The following NRXN3 variants were observed in gnomAD, a reference collection of about 807,000 sequenced individuals.
NRXN3 encodes neurexin III.
A neutral mutation model predicts 137.6 loss-of-function variants in NRXN3; 32 were observed. That is an observed-to-expected ratio of 0.23 (90% CI 0.18 to 0.31). NRXN3 has a LOEUF of 0.31. Ranked by LOEUF, NRXN3 falls within the 10% of genes least tolerant of loss-of-function variation. The pLI, the probability that NRXN3 is intolerant of heterozygous loss-of-function variation, is 1.00. For missense variants in NRXN3, 1,574 were observed against 2,062.5 expected (o/e 0.76, Z 4.59); for synonymous variants, 798 against 784.5 (o/e 1.02, Z -0.29).
intron 15 of NRXN3, among the ~76,000 whole-genome samples, chr14:79,459,756 A>T (rs1479665927): frequency 6.6e-6 from 1 of 152,032 alleles, no homozygotes; most frequent in African/African-American, 2.4e-5. Context: ...ATTGATATTA[A>T]CATTAGTCTA....
chr14:78,860,731 A>G (rs1258030091), intron 10 of NRXN3, among the ~76,000 whole-genome samples: 1 of 152,142 alleles, frequency 6.6e-6, no homozygotes, highest in Non-Finnish European at 1.5e-5. Flanking sequence ...TATATTTACT[A>G]TTATTACCTG....
intron 15 of NRXN3, among the ~76,000 whole-genome samples, chr14:79,065,385 T>C (rs2099679505): frequency 6.6e-6 from 1 of 152,030 alleles, no homozygotes; most frequent in Admixed American, 6.6e-5. Flanking sequence ...AAAATCAAGG[T>C]TGCTGGACTT....
At chr14:78,822,554 A>C (rs1380769342) in intron 10 of NRXN3, among the ~76,000 whole-genome samples, 1 of 152,034 alleles carries the variant, frequency 6.6e-6, no homozygotes, top group Non-Finnish European at 1.5e-5. Context: ...GGACACCTGC[A>C]ATCCCAGCTA....
At chr14:79,822,508 T>G (rs571912310) in intron 20 of NRXN3, among the ~76,000 whole-genome samples, 1 of 152,346 alleles carries the variant, frequency 6.6e-6, no homozygotes, top group South Asian at 2.1e-4. Flanking sequence ...CCTACAGTTT[T>G]TCTTTGAAGT....
At chr14:79,448,497 T>A (rs2096106508) in intron 15 of NRXN3, among the ~76,000 whole-genome samples, 1 of 152,178 alleles carries the variant, frequency 6.6e-6, no homozygotes, top group Admixed American at 6.5e-5. Flanking sequence ...GAAAAGGGTC[T>A]AGCATATAGA....
At chr14:78,440,858 T>C (rs2094221326) in intron 4 of NRXN3, among the ~76,000 whole-genome samples, 1 of 152,180 alleles carries the variant, frequency 6.6e-6, no homozygotes, top group Non-Finnish European at 1.5e-5. Context: ...ATTTGCATGC[T>C]GTCAGCATCC....
chr14:79,108,814 A>G (rs778046286), intron 15 of NRXN3, among the ~76,000 whole-genome samples: 23 of 152,194 alleles, frequency 1.5e-4, no homozygotes, highest in Non-Finnish European at 2.8e-4. Context: ...TGTGATGCAC[A>G]GTAGAGGGAG....
chr14:79,089,552 ACGTTTGCTTTTTTAC>A (rs1461208811), intron 15 of NRXN3, among the ~76,000 whole-genome samples: 3 of 152,196 alleles, frequency 2.0e-5, no homozygotes, highest in Admixed American at 6.5e-5. Flanking sequence ...ATAGTCATGA[ACGTTTGCTTTTTTAC>A]CTTCTGCCTC....
chr14:78,987,777 G>A (rs1392345564), intron 14 of NRXN3, among the ~76,000 whole-genome samples: 2 of 152,072 alleles, frequency 1.3e-5, no homozygotes, highest in East Asian at 1.9e-4. Context: ...AAGGAGAACA[G>A]TGTGTTCAGC....
At chr14:79,382,255 A>G (rs1316853726) in intron 15 of NRXN3, among the ~76,000 whole-genome samples, 2 of 152,192 alleles carry the variant, frequency 1.3e-5, no homozygotes, top group Non-Finnish European at 2.9e-5. Context: ...CACCTGTGAC[A>G]TTTACCAAGA....
chr14:78,201,465 T>C (rs533611953), intron 1 of NRXN3, among the ~76,000 whole-genome samples: 10 of 152,040 alleles, frequency 6.6e-5, no homozygotes, highest in Admixed American at 5.9e-4. Flanking sequence ...GAAAAGGTGG[T>C]GAGAGGCACC....
rs796920218 is a variant in NRXN3, at chr14:78,907,125, AT to A, written c.2276-50110del. ...ATAATTATTGGCAGTTTCTTTAATT[AT>A]TTTTTTCTATTTATTTACTATTGAA... On this transcript the variant is annotated intron_variant, in intron 10 of 20. Transcript: ENST00000335750. Among the ~76,000 whole-genome samples, 183 of 151,980 alleles carry A rather than the reference AT, an allele frequency of 1.2e-3. 2 individuals carry two copies. Among genetic ancestry groups the A allele is most frequent in the African/African-American group, 4.2e-3 (175 of 41,488 alleles).
chr14:78,361,212 A>G (rs1186417442), intron 4 of NRXN3, among the ~76,000 whole-genome samples: 1 of 152,222 alleles, frequency 6.6e-6, no homozygotes, highest in Admixed American at 6.5e-5. Flanking sequence ...CCCACCCCAG[A>G]TCAATGAAAT....
At chr14:78,840,397 A>G (rs1020402171) in intron 10 of NRXN3, among the ~76,000 whole-genome samples, 5 of 152,246 alleles carry the variant, frequency 3.3e-5, no homozygotes, top group Non-Finnish European at 7.3e-5. Context: ...GATTGGATCA[A>G]TATATAAAAA....
At chr14:79,292,302 G>A (rs974527482) in intron 15 of NRXN3, among the ~76,000 whole-genome samples, 3 of 152,204 alleles carry the variant, frequency 2.0e-5, no homozygotes, top group Non-Finnish European at 4.4e-5. Flanking sequence ...GGACCCAAGA[G>A]TGAGGGACCC....
intron 15 of NRXN3, among the ~76,000 whole-genome samples, chr14:79,172,746 G>A (rs1386554555): frequency 6.6e-6 from 1 of 152,128 alleles, no homozygotes; most frequent in Non-Finnish European, 1.5e-5. Context: ...TCCTATGGAA[G>A]AATAAATATC....
At chr14:78,502,484 AC>A (rs1432715810) in intron 4 of NRXN3, among the ~76,000 whole-genome samples, 1 of 152,190 alleles carries the variant, frequency 6.6e-6, no homozygotes, top group Non-Finnish European at 1.5e-5. Flanking sequence ...ATGCTGGGTA[AC>A]AATGCTATAA....
At chr14:79,209,595 A>G (rs2067331489) in intron 15 of NRXN3, among the ~76,000 whole-genome samples, 1 of 152,160 alleles carries the variant, frequency 6.6e-6, no homozygotes, top group South Asian at 2.1e-4. Context: ...CCCAAGGTCT[A>G]TTCCATTACT....
intron 20 of NRXN3, among the ~76,000 whole-genome samples, chr14:79,860,649 T>C (rs1019598318): frequency 6.6e-6 from 1 of 152,250 alleles, no homozygotes; most frequent in African/African-American, 2.4e-5. Context: ...CTTAAACGCA[T>C]GTTAATAAAT....
Sources: allele counts gnomAD v4.1 joint callset (sites outside exome capture counted in the v4.1 genomes callset), GRCh38; gene constraint gnomAD v4.1.1; transcripts MANE v1.5; gene names NCBI Gene and HGNC (gene_info 2026-07-23, HGNC 2026-07-21).